MYO3B: variants seen among roughly 807,000 people sequenced by gnomAD.
MYO3B encodes myosin-IIIb.
MYO3B carries 156 observed loss-of-function variants against 174.6 expected under a neutral mutation model. The observed-to-expected ratio is 0.89, with a 90% CI of 0.78 to 1.02. MYO3B has a LOEUF of 1.02. MYO3B is among the 50% of genes least tolerant of loss of function. The pLI, the probability that MYO3B is intolerant of heterozygous loss-of-function variation, is 0.00. For synonymous variants in MYO3B, 563 were observed against 569.1 expected (o/e 0.99, Z 0.15); for missense variants, 1,632 against 1,639.4 (o/e 1.00, Z 0.08).
Position 170,381,946 on chromosome 2 carries a change from A to G in MYO3B, c.972-70A>G, listed in dbSNP as rs73018919. ...CACGTGATAAGATTGTGAATGAGCC[A>G]TGCTTGCTGCCCGCTTTCTGCTACA... is the stretch of plus-strand genomic sequence containing the variant. On this transcript the variant is annotated intron_variant, in intron 9 of 34. Transcript: ENST00000408978. 4,125 of 1,310,756 alleles carry G rather than the reference A, an allele frequency of 3.1e-3. 114 individuals carry two copies. The African/African-American group carries it at 0.054, about 17-fold the overall frequency. 81.2% of individuals were successfully genotyped at this position (1,310,756 alleles called of 1,614,324 possible). A position where few individuals can be genotyped will look rare whatever the true frequency, so the allele number is the denominator to read the frequency against.
At chr2:170,636,052 T>C (rs1697441466) in intron 32 of MYO3B, among the ~76,000 whole-genome samples, 1 of 152,248 alleles carries the variant, frequency 6.6e-6, no homozygotes, top group Admixed American at 6.5e-5. Flanking sequence ...GATCGTATTA[T>C]ATAGTGTGTG....
At chr2:170,406,187 C>A (rs552468788) in intron 21 of MYO3B, among the ~76,000 whole-genome samples, 1 of 152,164 alleles carries the variant, frequency 6.6e-6, no homozygotes, top group African/African-American at 2.4e-5. Flanking sequence ...GTGACTGATT[C>A]AGGAAATTCC....
At chr2:170,347,885 T>A (rs2094029383) in intron 8 of MYO3B, 1 of 152,234 alleles carries the variant, frequency 6.6e-6, no homozygotes. Context: ...CCCACATCTA[T>A]TAAACAGCTA....
At chr2:170,557,351 G>A (rs1415281287) in intron 32 of MYO3B, among the ~76,000 whole-genome samples, 4 of 151,910 alleles carry the variant, frequency 2.6e-5, no homozygotes, top group Non-Finnish European at 5.9e-5. Flanking sequence ...GTGTTAGCCA[G>A]GATGGTCTCC....
intron 7 of MYO3B, among the ~76,000 whole-genome samples, chr2:170,324,579 TTG>T (rs1346947767): frequency 6.6e-6 from 1 of 152,220 alleles, no homozygotes; most frequent in African/African-American, 2.4e-5. Context: ...AGCTGGTTTT[TTG>T]TCTTTTTTTA....
rs1207674183 is a variant in MYO3B at position 170,400,272 on chromosome 2, A to G, written c.1876A>G (p.Thr626Ala). 6.2e-7 allele frequency: 1 copy of G among 1,614,090 alleles called. No homozygotes were observed. The highest frequency in any genetic ancestry group is 1.7e-5 in the Admixed American group (1 of 60,018). The change falls in exon 17 of 35, where the codon ACT becomes GCT. Residue 626 changes from threonine to alanine, a missense_variant. Transcript: ENST00000408978. ...EFAAISSQHQ[T>A]DKSEVPNAEA... is the part of the protein sequence containing the mutation. ...CGCAGCTATTTCCTCTCAACATCAG[A>G]CTGATAAAAGTGAGGTGCCCAATGC... is the stretch of plus-strand genomic sequence containing the variant.
At chr2:170,557,967 A>T (rs1403197155) in intron 32 of MYO3B, among the ~76,000 whole-genome samples, 1 of 152,122 alleles carries the variant, frequency 6.6e-6, no homozygotes, top group East Asian at 1.9e-4. Flanking sequence ...TTTGCCTTTT[A>T]AAAAATTCTG....
chr2:170,412,600 A>G (rs948976756), intron 22 of MYO3B, among the ~76,000 whole-genome samples: 2 of 152,194 alleles, frequency 1.3e-5, no homozygotes, highest in African/African-American at 2.4e-5. Context: ...TCTGTAAAGC[A>G]CTATAACACC....
intron 32 of MYO3B, among the ~76,000 whole-genome samples, chr2:170,592,507 A>G (rs1378896505): frequency 6.6e-6 from 1 of 152,200 alleles, no homozygotes; most frequent in Non-Finnish European, 1.5e-5. Flanking sequence ...GAGCCTTGCC[A>G]CCATTTCTAG....
intron 29 of MYO3B, among the ~76,000 whole-genome samples, chr2:170,515,352 A>T (rs1221228807): frequency 6.6e-6 from 1 of 152,162 alleles, no homozygotes; most frequent in Non-Finnish European, 1.5e-5. Flanking sequence ...GCAGACTCTG[A>T]CATGTTTGTA....
chr2:170,297,111 C>T (rs544893541), intron 7 of MYO3B, among the ~76,000 whole-genome samples: 21 of 152,246 alleles, frequency 1.4e-4, no homozygotes, highest in African/African-American at 5.1e-4. Context: ...AGGTAAGAAC[C>T]ATGTGAGAAA....
intron 1 of MYO3B, among the ~76,000 whole-genome samples, chr2:170,194,723 T>C (rs1352958345): frequency 3.3e-5 from 5 of 152,210 alleles, no homozygotes; most frequent in Admixed American, 6.5e-5. Flanking sequence ...TTAAGGAGAA[T>C]TGACTCACAT....
intron 7 of MYO3B, among the ~76,000 whole-genome samples, chr2:170,282,388 C>G (rs3953397): frequency 0.53 from 81,007 of 152,030 alleles, 21,825 homozygotes; most frequent in East Asian, 0.66. Context: ...GTTCTTAGCA[C>G]CTTTGTCAAA....
intron 8 of MYO3B, among the ~76,000 whole-genome samples, chr2:170,341,881 C>T (rs1339690490): frequency 1.3e-5 from 2 of 152,024 alleles, no homozygotes; most frequent in Non-Finnish European, 2.9e-5. Context: ...TTTGATCTCA[C>T]TTATACCCTA....
chr2:170,506,581 C>G (rs866174488), intron 28 of MYO3B, among the ~76,000 whole-genome samples: 36 of 152,214 alleles, frequency 2.4e-4, no homozygotes, highest in African/African-American at 7.2e-4. Context: ...TATCCAACTC[C>G]AATACAGAGC....
chr2:170,214,470 A>G lies in MYO3B; in HGVS notation c.413A>G (p.Tyr138Cys). Residue 138 changes from tyrosine to cysteine, a missense_variant, in exon 4 of 35, where the codon TAC (tyrosine) becomes TGC (cysteine). Coordinates refer to ENST00000408978, the MANE Select transcript of MYO3B (RefSeq NM_138995.5). ...GAAGCAATGATCTCATACATCTTGTACGGGGCCCTCTTGGTAAGAACATCT... is the reference window on the plus strand; with the variant it reads ...GAAGCAATGATCTCATACATCTTGTGCGGGGCCCTCTTGGTAAGAACATCT... ...LDEAMISYILYGALLGLQHLH... is the reference protein window; with the variant it reads ...LDEAMISYILCGALLGLQHLH... 11 of 1,614,124 alleles carry G rather than the reference A, an allele frequency of 6.8e-6. No homozygotes were observed. Among genetic ancestry groups the G allele is most frequent in the Non-Finnish European group, 9.3e-6 (11 of 1,179,996 alleles).
chr2:170,401,624 T>C lies in MYO3B; in HGVS notation c.2062T>C (p.Tyr688His). 2 of 1,614,026 alleles carry C rather than the reference T, an allele frequency of 1.2e-6. No homozygotes were observed. Among genetic ancestry groups the C allele is most frequent in the Non-Finnish European group, 1.7e-6 (2 of 1,179,998 alleles). ...TCGAGACGCCATGTCCAAAGCCCTG[T>C]ATGGGAGGCTCTTCAGCTGGATTGT... ...DVRDAMSKAL[Y>H]GRLFSWIVNR... Residue 688 changes from tyrosine to histidine, a missense_variant, in exon 18 of 35, where the codon TAT becomes CAT. Physicochemically the swap from Tyr to His is moderately conservative, Grantham distance 83. Transcript: ENST00000408978.
rs181757494 is a variant in MYO3B, at chr2:170,315,896, G to C, written c.750-19489G>C. Among the ~76,000 whole-genome samples, 255 of 152,312 alleles carry C rather than the reference G, an allele frequency of 1.7e-3. 1 individual carries two copies. Among genetic ancestry groups the C allele is most frequent in the African/African-American group, 6.0e-3 (251 of 41,564 alleles). On this transcript the variant is annotated intron_variant, in intron 7 of 34. Transcript: ENST00000408978. ...GCTCTCCTAGCCTTAGCTTATCTCTGTGACTGGAACCCTGATCCTGACAGA... is the reference window on the plus strand; with the variant it reads ...GCTCTCCTAGCCTTAGCTTATCTCTCTGACTGGAACCCTGATCCTGACAGA...
At chr2:170,532,274 A>G (rs1285027604) in intron 30 of MYO3B, among the ~76,000 whole-genome samples, 1 of 152,234 alleles carries the variant, frequency 6.6e-6, no homozygotes, top group Non-Finnish European at 1.5e-5. Flanking sequence ...AACATGACAG[A>G]AGACTGAGAA....
Sources: allele counts gnomAD v4.1 joint callset (sites outside exome capture counted in the v4.1 genomes callset), GRCh38; gene constraint gnomAD v4.1.1; transcripts MANE v1.5; gene names NCBI Gene and HGNC (gene_info 2026-07-23, HGNC 2026-07-21).